FHIT: variants seen among roughly 807,000 people sequenced by gnomAD.
FHIT encodes bis(5'-adenosyl)-triphosphatase.
A neutral mutation model predicts 17.9 loss-of-function variants in FHIT; 19 were observed. The observed-to-expected ratio is 1.06, with a 90% CI of 0.74 to 1.56. FHIT has a LOEUF of 1.56. Ranked by LOEUF, FHIT falls within the 40% of genes most tolerant of loss-of-function variation. The probability of loss-of-function intolerance (pLI) is 0.00; values close to 1 mark genes in which losing one functional copy is unlikely to be tolerated. For synonymous variants in FHIT, 81 were observed against 69.7 expected, an observed-to-expected ratio of 1.16 and a Z score of -0.81; for missense variants, 248 against 189.2, an observed-to-expected ratio of 1.31 and a Z score of -1.82.
At chr3:60,211,041 C>A (rs1370395711) in intron 5 of FHIT, among the ~76,000 whole-genome samples, 7 of 146,230 alleles carry the variant, frequency 4.8e-5, no homozygotes, top group Non-Finnish European at 9.0e-5. Context: ...CATGGTACAT[C>A]CCCCATGATG....
At position 60,543,191 on chromosome 3, in the gene FHIT, T is replaced by C. The variant is rs541125462; in HGVS notation, c.-17-6212A>G. ...TTGTCATGGCAGCATGAAAGCAGTATGAGTAGGCGTGGCTGTGCCCCAGTA... is the reference window on the plus strand; with the variant it reads ...TTGTCATGGCAGCATGAAAGCAGTACGAGTAGGCGTGGCTGTGCCCCAGTA... On this transcript the variant is annotated intron_variant, in intron 4 of 9. Coordinates refer to ENST00000492590, the MANE Select transcript of FHIT (RefSeq NM_002012.4). 2.6e-5 allele frequency among the ~76,000 whole-genome samples: 4 copies of C among 152,318 alleles called. No individual in the cohort carries two copies. The East Asian group carries it at 7.7e-4, about 29-fold the overall frequency.
intron 2 of FHIT, among the ~76,000 whole-genome samples, chr3:61,092,612 A>G (rs948748466): frequency 6.6e-6 from 1 of 152,142 alleles, no homozygotes; most frequent in African/African-American, 2.4e-5. Flanking sequence ...ATTTAGTAGT[A>G]ATCTGTGCTA....
chr3:60,531,345 C>A (rs953644153), intron 5 of FHIT, among the ~76,000 whole-genome samples: 1 of 133,438 alleles, frequency 7.5e-6, no homozygotes, highest in Admixed American at 8.8e-5. Flanking sequence ...GTGGTGCGAT[C>A]TAGGCTCACT....
At chr3:60,682,032 T>C (rs1267492759) in intron 4 of FHIT, among the ~76,000 whole-genome samples, 7 of 151,356 alleles carry the variant, frequency 4.6e-5, no homozygotes, top group Admixed American at 1.3e-4. Context: ...AGTGCAATGG[T>C]GCGATCTCAG....
At chr3:60,077,750 G>T (rs1263973191) in intron 5 of FHIT, among the ~76,000 whole-genome samples, 1 of 131,596 alleles carries the variant, frequency 7.6e-6, no homozygotes, top group Non-Finnish European at 1.6e-5. Flanking sequence ...GGGGGGGGGA[G>T]GATACAAAGT....
intron 2 of FHIT, among the ~76,000 whole-genome samples, chr3:61,117,747 C>G (rs1296058835): frequency 6.6e-6 from 1 of 152,152 alleles, no homozygotes; most frequent in Non-Finnish European, 1.5e-5. Flanking sequence ...AATACAGCTC[C>G]CATTATTTTC....
chr3:60,622,020 T>C lies in FHIT; in HGVS notation c.-17-85041A>G, dbSNP rs782687052. 3.3e-5 allele frequency among the ~76,000 whole-genome samples: 5 copies of C among 152,216 alleles called. No homozygotes were observed. The South Asian group carries it at 1.0e-3, about 32-fold the overall frequency. On this transcript the variant is annotated intron_variant, in intron 4 of 9. Coordinates refer to ENST00000492590, the MANE Select transcript of FHIT (RefSeq NM_002012.4). ...TTTTTCTTAAGGATTTGAGCTCTCT[T>C]AGCTACACAAACATAGGAATTGTTA...
chr3:60,089,476 G>C (rs1703639404), intron 5 of FHIT, among the ~76,000 whole-genome samples: 1 of 152,098 alleles, frequency 6.6e-6, no homozygotes, highest in African/African-American at 2.4e-5. Context: ...TAGTATGATG[G>C]ATGGATGGTT....
chr3:60,824,602 G>T (rs1201205683), intron 3 of FHIT, among the ~76,000 whole-genome samples: 1 of 152,184 alleles, frequency 6.6e-6, no homozygotes, highest in Non-Finnish European at 1.5e-5. Context: ...GATATGGTTT[G>T]GCTGTGTCCC....
intron 5 of FHIT, among the ~76,000 whole-genome samples, chr3:60,029,733 A>G (rs950381758): frequency 6.6e-6 from 1 of 152,202 alleles, no homozygotes; most frequent in South Asian, 2.1e-4. Flanking sequence ...AGCCAGGTGA[A>G]GGAAGACAAA....
chr3:60,197,532 A>C (rs1238067853), intron 5 of FHIT, among the ~76,000 whole-genome samples: 1 of 152,202 alleles, frequency 6.6e-6, no homozygotes, highest in Non-Finnish European at 1.5e-5. Flanking sequence ...AAATATTAGT[A>C]AAGTTAGCAT....
chr3:59,911,369 A>G (rs994038957), intron 8 of FHIT, among the ~76,000 whole-genome samples: 1 of 152,200 alleles, frequency 6.6e-6, no homozygotes, highest in Admixed American at 6.5e-5. Flanking sequence ...AATGCCTGGT[A>G]TTCTCTGGGT....
chr3:60,590,652 C>T (rs1422052819), intron 4 of FHIT, among the ~76,000 whole-genome samples: 1 of 152,138 alleles, frequency 6.6e-6, no homozygotes, highest in Non-Finnish European at 1.5e-5. Flanking sequence ...CTTCTGTGTG[C>T]ATGCCTAAAA....
At chr3:60,544,655 G>A (rs926953277) in intron 4 of FHIT, among the ~76,000 whole-genome samples, 2 of 141,756 alleles carry the variant, frequency 1.4e-5, no homozygotes, top group East Asian at 4.2e-4. Context: ...TGGACACAGT[G>A]GCACGATCTG....
At chr3:60,648,168 G>A (rs1168519766) in intron 4 of FHIT, among the ~76,000 whole-genome samples, 4 of 152,256 alleles carry the variant, frequency 2.6e-5, no homozygotes, top group South Asian at 2.1e-4. Flanking sequence ...ACAGGTTGAC[G>A]TCCACCTAGG....
chr3:59,797,783 T>C (rs991598021), intron 8 of FHIT, among the ~76,000 whole-genome samples: 2 of 152,344 alleles, frequency 1.3e-5, no homozygotes, highest in African/African-American at 2.4e-5. Context: ...TATAGTTCCG[T>C]TGGATTTTTT....
chr3:59,797,645 C>A (rs575611948), intron 8 of FHIT, among the ~76,000 whole-genome samples: 1 of 151,866 alleles, frequency 6.6e-6, no homozygotes, highest in Non-Finnish European at 1.5e-5. Context: ...TCCTCCATGC[C>A]GATATTATAT....
At chr3:60,953,463 T>C (rs1553777836) in intron 3 of FHIT, among the ~76,000 whole-genome samples, 1 of 152,208 alleles carries the variant, frequency 6.6e-6, no homozygotes, top group African/African-American at 2.4e-5. Flanking sequence ...AGTCAACTTT[T>C]TAACATTTCC....
chr3:60,718,315 T>A (rs2041733590), intron 4 of FHIT, among the ~76,000 whole-genome samples: 2 of 152,248 alleles, frequency 1.3e-5, no homozygotes, highest in African/African-American at 4.8e-5. Context: ...TGTCTCGTAA[T>A]GATCCTATTC....
Sources: allele counts gnomAD v4.1 joint callset (sites outside exome capture counted in the v4.1 genomes callset), GRCh38; gene constraint gnomAD v4.1.1; transcripts MANE v1.5; gene names NCBI Gene and HGNC (gene_info 2026-07-23, HGNC 2026-07-21).